AFF3: variants seen among roughly 807,000 people sequenced by gnomAD.
AFF3 encodes the protein ALF transcription elongation factor 3.
AFF3 carries 32 observed loss-of-function variants against 129.7 expected under a neutral mutation model. The observed-to-expected ratio is 0.25, with a 90% CI of 0.19 to 0.33. The LOEUF (loss-of-function observed/expected upper bound fraction) is 0.33. Among genes scored for constraint, AFF3 ranks in the 10% least tolerant of loss-of-function variants. AFF3 has a pLI of 1.00. For missense variants in AFF3, 1,373 were observed against 1,592.0 expected, an observed-to-expected ratio of 0.86 and a Z score of 2.34; for synonymous variants, 644 against 635.4, an observed-to-expected ratio of 1.01 and a Z score of -0.20.
At chr2:99,843,471 G>A (rs1008720483) in intron 7 of AFF3, among the ~76,000 whole-genome samples, 30 of 152,184 alleles carry the variant, frequency 2.0e-4, no homozygotes, top group African/African-American at 7.2e-4. Context: ...CTTTAACAGA[G>A]CATCAAAATG....
chr2:100,022,948 T>C (rs1391463062), intron 4 of AFF3, among the ~76,000 whole-genome samples: 3 of 152,168 alleles, frequency 2.0e-5, no homozygotes, highest in Non-Finnish European at 4.4e-5. Context: ...ACTTCACATT[T>C]CTCCCCATCC....
intron 8 of AFF3, among the ~76,000 whole-genome samples, chr2:99,834,348 T>C (rs1178785726): frequency 1.3e-5 from 2 of 152,218 alleles, no homozygotes; most frequent in African/African-American, 2.4e-5. Flanking sequence ...ATGTTACCAA[T>C]GCCTACCTCA....
intron 20 of AFF3, among the ~76,000 whole-genome samples, chr2:99,563,810 C>CAAAAAAA (rs34843347): frequency 2.6e-5 from 2 of 76,052 alleles, no homozygotes; most frequent in African/African-American, 1.1e-4. Context: ...AATTTAGTCT[C>CAAAAAAA]AAAAAAAAAA....
intron 4 of AFF3, among the ~76,000 whole-genome samples, chr2:100,098,201 A>G (rs1690422024): frequency 6.7e-6 from 1 of 149,156 alleles, no homozygotes; most frequent in Non-Finnish European, 1.5e-5. Flanking sequence ...GGCCAGCTGA[A>G]TTCAGAAACC....
intron 8 of AFF3, among the ~76,000 whole-genome samples, chr2:99,774,930 C>T (rs539360034): frequency 2.0e-5 from 3 of 152,258 alleles, no homozygotes; most frequent in African/African-American, 7.2e-5. Flanking sequence ...AAAAAGTAGG[C>T]AAAGGACATG....
chr2:99,824,927 C>T (rs1325288124), intron 8 of AFF3, among the ~76,000 whole-genome samples: 9 of 152,122 alleles, frequency 5.9e-5, no homozygotes, highest in East Asian at 1.9e-4. Flanking sequence ...ACAACCCCAG[C>T]GGTGGGTTAG....
intron 7 of AFF3, among the ~76,000 whole-genome samples, chr2:99,997,566 C>T (rs560364194): frequency 8.6e-5 from 13 of 152,002 alleles, no homozygotes; most frequent in African/African-American, 3.1e-4. Context: ...AACAGCCAAA[C>T]CCATCATTTT....
Position 99,697,523 on chromosome 2 carries a change from C to A in AFF3, c.1092-24934G>T, listed in dbSNP as rs985395821. ...GAAGAGCAATTTGTAAAATACTAAA[C>A]TAGGTTTCTGGACATACCTCTACTG... On this transcript the variant is annotated intron_variant, in intron 11 of 24. Coordinates refer to ENST00000672756, the MANE Select transcript of AFF3 (RefSeq NM_001386135.1). Among the ~76,000 whole-genome samples, 6 of 152,352 alleles carry A rather than the reference C, an allele frequency of 3.9e-5. No homozygotes were observed. The Middle Eastern group carries it at 0.01, about 259-fold the overall frequency.
At position 99,873,921 on chromosome 2, in the gene AFF3, T is replaced by A. The variant is rs1036529615; in HGVS notation, c.874-36397A>T. Among the ~76,000 whole-genome samples, 28 of 152,032 alleles carry A rather than the reference T, an allele frequency of 1.8e-4. 1 individual carries two copies. Among genetic ancestry groups the A allele is most frequent in the Non-Finnish European group, 5.9e-5 (4 of 68,008 alleles). Reference sequence around the variant, plus strand: ...CGGGCGCGGTGGCTCACGCCTGTAATCTCAGTACTTTGGGAGGCCGAGGTG... The same window carrying A: ...CGGGCGCGGTGGCTCACGCCTGTAAACTCAGTACTTTGGGAGGCCGAGGTG... On this transcript the variant is annotated intron_variant, in intron 7 of 24. Coordinates refer to ENST00000672756, the MANE Select transcript of AFF3 (RefSeq NM_001386135.1).
chr2:100,013,263 T>C (rs909717393), intron 4 of AFF3, among the ~76,000 whole-genome samples: 2 of 152,182 alleles, frequency 1.3e-5, no homozygotes, highest in African/African-American at 4.8e-5. Flanking sequence ...CCAAAATTCA[T>C]CTATTCTTGA....
chr2:99,896,673 T>A (rs1427075986), intron 7 of AFF3, among the ~76,000 whole-genome samples: 1 of 127,506 alleles, frequency 7.8e-6, no homozygotes. Context: ...TCTCACTCTG[T>A]CACCCAGGCT....
intron 14 of AFF3, among the ~76,000 whole-genome samples, chr2:99,594,773 TTA>T (rs1232215956): frequency 2.0e-5 from 3 of 152,050 alleles, no homozygotes; most frequent in Non-Finnish European, 4.4e-5. Context: ...AACACATGAT[TTA>T]TGTGTTGAAG....
At chr2:99,648,325 G>A (rs1281301661) in intron 13 of AFF3, among the ~76,000 whole-genome samples, 1 of 69,768 alleles carries the variant, frequency 1.4e-5, no homozygotes, top group Non-Finnish European at 3.0e-5. Flanking sequence ...AGTGCATTTT[G>A]TTGAAGGAAC....
intron 7 of AFF3, among the ~76,000 whole-genome samples, chr2:99,997,811 G>C (rs894020147): frequency 1.3e-5 from 2 of 152,084 alleles, no homozygotes; most frequent in African/African-American, 4.8e-5. Flanking sequence ...ACTCCACCTG[G>C]CATGTGCCTT....
intron 2 of AFF3, among the ~76,000 whole-genome samples, chr2:100,115,697 T>C (rs1691709021): frequency 6.6e-6 from 1 of 152,252 alleles, no homozygotes; most frequent in African/African-American, 2.4e-5. Context: ...TATGTCTATC[T>C]TATCTAAGAG....
intron 5 of AFF3, chr2:100,007,764 C>T: frequency 2.7e-6 from 1 of 371,576 alleles, no homozygotes; most frequent in Admixed American, 4.3e-5. Flanking sequence ...CACCTGAGGT[C>T]AGGTGTTTGA....
chr2:99,614,324 C>T (rs1458813555), intron 13 of AFF3, among the ~76,000 whole-genome samples: 1 of 152,214 alleles, frequency 6.6e-6, no homozygotes, highest in Non-Finnish European at 1.5e-5. Context: ...TTAAGTCTCA[C>T]ATTTCACTGC....
intron 11 of AFF3, among the ~76,000 whole-genome samples, chr2:99,676,550 G>A (rs1452452547): frequency 6.6e-6 from 1 of 152,180 alleles, no homozygotes; most frequent in Non-Finnish European, 1.5e-5. Flanking sequence ...TTACGCCAGG[G>A]AGCCTCCAAT....
intron 8 of AFF3, among the ~76,000 whole-genome samples, chr2:99,788,495 C>A (rs1684966175): frequency 6.6e-6 from 1 of 152,086 alleles, no homozygotes; most frequent in African/African-American, 2.4e-5. Flanking sequence ...AAAAAGCTTA[C>A]AGAATAAGGA....
Sources: allele counts gnomAD v4.1 joint callset (sites outside exome capture counted in the v4.1 genomes callset), GRCh38; gene constraint gnomAD v4.1.1; transcripts MANE v1.5; gene names NCBI Gene and HGNC (gene_info 2026-07-23, HGNC 2026-07-21).